AGPAT3: variants seen among roughly 807,000 people sequenced by gnomAD.
AGPAT3 encodes the protein 1-acyl-sn-glycerol-3-phosphate acyltransferase gamma.
Under a neutral mutation model 47.3 loss-of-function variants are expected in AGPAT3, and 5 were observed. The ratio of observed to expected loss-of-function variants is 0.11; its 90% CI spans 0.06 to 0.22. The LOEUF (loss-of-function observed/expected upper bound fraction) is 0.22, where lower values mean the gene tolerates loss of function less well. Ranked by LOEUF, AGPAT3 falls within the 10% of genes least tolerant of loss-of-function variation. The probability of loss-of-function intolerance (pLI) is 1.00; values close to 1 mark genes in which losing one functional copy is unlikely to be tolerated. For synonymous variants in AGPAT3, 212 were observed against 208.3 expected, an observed-to-expected ratio of 1.02 and a Z score of -0.15; for missense variants, 315 against 493.0, an observed-to-expected ratio of 0.64 and a Z score of 3.42.
At chr21:43,965,350 T>C (rs1685154606) in intron 3 of AGPAT3, 2 of 152,314 alleles carry the variant, frequency 1.3e-5, no homozygotes, top group South Asian at 4.1e-4. Context: ...GTGTCTCTGC[T>C]GTCATCTGAT....
chr21:43,913,641 G>A (rs2086671641), intron 2 of AGPAT3, among the ~76,000 whole-genome samples: 1 of 152,170 alleles, frequency 6.6e-6, no homozygotes, highest in East Asian at 1.9e-4. Flanking sequence ...CGGCTATTGT[G>A]GTCCTTAACT....
At chr21:43,899,170 C>CTT (rs35374556) in intron 1 of AGPAT3, among the ~76,000 whole-genome samples, 126,804 of 152,056 alleles carry the variant, frequency 0.83, 53,372 homozygotes, top group African/African-American at 0.96. Flanking sequence ...GAACCCGCCC[C>CTT]TTGTGTTTGT....
rs1024552069 is a variant in AGPAT3, at chr21:43,903,971, A to C, written c.-97A>C. On this transcript the variant is annotated 5_prime_UTR_variant, in exon 2 of 10. Transcript: ENST00000291572. ...TTCACTTTCAGGCTTGTCCAGCCGG[A>C]AGCCCTGAGGGCAGCTGTTCCCACT... 2 of 152,384 alleles carry C rather than the reference A, an allele frequency of 1.3e-5. No homozygotes were observed. The highest frequency in any genetic ancestry group is 2.9e-5 in the Non-Finnish European group (2 of 68,052). The allele number at this position is 152,384 out of a possible 1,614,324, so 9.4% of individuals were successfully genotyped here. A position where few individuals can be genotyped will look rare whatever the true frequency, so the allele number is the denominator to read the frequency against.
In AGPAT3 at chr21:43,954,267, G is replaced by A. The variant is rs1358414818; in HGVS notation, c.-48-5367G>A. On this transcript the variant is annotated intron_variant, in intron 2 of 9. Transcript: ENST00000291572. This position sits in a 1 kb window ranked among gnomAD's most constrained non-coding sequence, Gnocchi z 4.0. ...GAGGTGGCCTCTGCCTGCTGCCATTGGAGGTTTGTGCAGTCAGGTTTATCA... is the reference window on the plus strand; with the variant it reads ...GAGGTGGCCTCTGCCTGCTGCCATTAGAGGTTTGTGCAGTCAGGTTTATCA... 1.3e-5 allele frequency among the ~76,000 whole-genome samples: 2 copies of A among 152,194 alleles called. No homozygotes were observed.
chr21:43,878,284 G>T (rs979453062), intron 1 of AGPAT3, among the ~76,000 whole-genome samples: 2 of 152,232 alleles, frequency 1.3e-5, no homozygotes, highest in African/African-American at 4.8e-5. Flanking sequence ...CTTTGCCGAG[G>T]TGGCCTGCTC....
intron 3 of AGPAT3, among the ~76,000 whole-genome samples, chr21:43,962,878 A>T (rs1156302210): frequency 7.9e-6 from 1 of 126,242 alleles, no homozygotes; most frequent in Non-Finnish European, 1.8e-5. Flanking sequence ...TAAACAGCAG[A>T]TGTGGACTGA....
Position 43,955,302 on chromosome 21 carries a change from C to G in AGPAT3, c.-48-4332C>G, listed in dbSNP as rs928810358. The G allele has an allele frequency of 1.9e-4, 215 of 1,112,178 alleles. No homozygotes were observed. The highest frequency in any genetic ancestry group is 2.4e-4 in the Non-Finnish European group (208 of 882,634). The allele number at this position is 1,112,178 out of a possible 1,614,324, so 68.9% of individuals were successfully genotyped here. A position where few individuals can be genotyped will look rare whatever the true frequency, so the allele number is the denominator to read the frequency against. On this transcript the variant is annotated intron_variant, in intron 2 of 9. Coordinates refer to ENST00000291572, the MANE Select transcript of AGPAT3 (RefSeq NM_020132.5). This position sits in a 1 kb window ranked among gnomAD's most constrained non-coding sequence, Gnocchi z 4.1. ...CATTGTCAGGCTGGGTGGGGAAGGA[C>G]TTGGATGGAAATGTTCCCTGTTGCA... is the stretch of plus-strand genomic sequence containing the variant.
chr21:43,958,615 G>A (rs2088611957), intron 2 of AGPAT3, among the ~76,000 whole-genome samples: 1 of 149,878 alleles, frequency 6.7e-6, no homozygotes, highest in Non-Finnish European at 1.5e-5. Context: ...GGTTTGTAGT[G>A]TGTGTATGTG....
intron 2 of AGPAT3, among the ~76,000 whole-genome samples, chr21:43,928,840 A>T (rs3788081): frequency 1.3e-5 from 2 of 152,154 alleles, no homozygotes. Flanking sequence ...TTTGTTTCAC[A>T]ATGAGCTGAA....
rs1026709201 is a variant in AGPAT3, at chr21:43,954,870, C to G, written c.-48-4764C>G. On this transcript the variant is annotated intron_variant, in intron 2 of 9. Coordinates refer to ENST00000291572, the MANE Select transcript of AGPAT3 (RefSeq NM_020132.5). The surrounding 1 kb of genome is among the most constrained non-coding windows in gnomAD (Gnocchi z 4.0). ...GCACCCGGGCCAGGAGAAACATGTGCCAGAGGGCAGGCGTGGGCTCTCCGG... is the reference window on the plus strand; with the variant it reads ...GCACCCGGGCCAGGAGAAACATGTGGCAGAGGGCAGGCGTGGGCTCTCCGG... 3 of 293,484 alleles carry G rather than the reference C, an allele frequency of 1.0e-5. No individual in the cohort carries two copies. The Admixed American group carries it at 1.9e-4, about 18-fold the overall frequency. 18.2% of individuals were successfully genotyped at this position (293,484 alleles called of 1,614,324 possible). A position where few individuals can be genotyped will look rare whatever the true frequency, so the allele number is the denominator to read the frequency against.
chr21:43,986,391 C>T lies in AGPAT3; in HGVS notation c.*3999C>T, dbSNP rs1380378555. The T allele has an allele frequency of 6.6e-6, 1 of 152,576 alleles. No homozygotes were observed. Among genetic ancestry groups the T allele is most frequent in the Non-Finnish European group, 1.5e-5 (1 of 68,044 alleles). 9.5% of individuals were successfully genotyped at this position (152,576 alleles called of 1,614,324 possible). A position where few individuals can be genotyped will look rare whatever the true frequency, so the allele number is the denominator to read the frequency against. ...CATTGAGTTGTCTTAGAATTTGAAG[C>T]TGTGTAATGACAATGTCACCTGGAG... On this transcript the variant is annotated 3_prime_UTR_variant, in exon 10 of 10. Transcript: ENST00000291572.
chr21:43,977,747 C>T (rs1601480690), intron 7 of AGPAT3, among the ~76,000 whole-genome samples: 2 of 152,024 alleles, frequency 1.3e-5, no homozygotes, highest in Non-Finnish European at 2.9e-5. Context: ...ATTAGCTGGG[C>T]GTGGTGGCGC....
chr21:43,926,431 G>A lies in AGPAT3; in HGVS notation c.-49+22412G>A, dbSNP rs182147962. Among the ~76,000 whole-genome samples, 639 of 152,274 alleles carry A rather than the reference G, an allele frequency of 4.2e-3. 1 individual carries two copies. The highest frequency in any genetic ancestry group is 0.014 in the African/African-American group (592 of 41,546). Reference sequence around the variant, plus strand: ...ATGCGCATCTGTGTGGCAGGACTGGGGGTGATTTTATCCGGGATCCCCTGG... The same window carrying A: ...ATGCGCATCTGTGTGGCAGGACTGGAGGTGATTTTATCCGGGATCCCCTGG... On this transcript the variant is annotated intron_variant, in intron 2 of 9. Transcript: ENST00000291572.
chr21:43,924,604 C>T (rs140158735), intron 2 of AGPAT3, among the ~76,000 whole-genome samples: 91 of 152,330 alleles, frequency 6.0e-4, no homozygotes, highest in African/African-American at 1.8e-3. Flanking sequence ...CCTGCCATGC[C>T]GCAGAGACCC....
intron 2 of AGPAT3, among the ~76,000 whole-genome samples, chr21:43,918,205 T>TTGTGGGTGTTGCGGCGGTTGTGGGTG: frequency 6.7e-6 from 1 of 148,564 alleles, no homozygotes; most frequent in Non-Finnish European, 1.5e-5. Context: ...GTTGTGGAGG[T>TTGTGGGTGTTGCGGCGGTTGTGGGTG]TGTGGGTGTT....
chr21:43,882,989 G>A (rs1203206737), intron 1 of AGPAT3, among the ~76,000 whole-genome samples: 1 of 152,216 alleles, frequency 6.6e-6, no homozygotes, highest in Admixed American at 6.5e-5. Flanking sequence ...ACACCTCCAC[G>A]CAGGCCTGGA....
intron 3 of AGPAT3, among the ~76,000 whole-genome samples, chr21:43,961,796 T>A (rs2088878635): frequency 1.3e-5 from 2 of 152,282 alleles, no homozygotes; most frequent in South Asian, 4.2e-4. Context: ...AGACACTTTG[T>A]CTCATATGGG....
At chr21:43,935,835 T>A (rs2087427228) in intron 2 of AGPAT3, among the ~76,000 whole-genome samples, 1 of 152,106 alleles carries the variant, frequency 6.6e-6, no homozygotes, top group Non-Finnish European at 1.5e-5. Context: ...CCTCAGCTAC[T>A]CTGGAGATTA....
At chr21:43,911,704 A>G (rs952292926) in intron 2 of AGPAT3, among the ~76,000 whole-genome samples, 4 of 152,346 alleles carry the variant, frequency 2.6e-5, no homozygotes, top group African/African-American at 7.2e-5. Flanking sequence ...GGTTCCTCCC[A>G]TTGGAACACA....
Sources: gnomAD v4.1 joint callset for allele counts (sites outside exome capture counted in the v4.1 genomes callset) on GRCh38, gnomAD v4.1.1 for gene constraint, Gnocchi (gnomAD v3.1) non-coding constraint, MANE v1.5 for transcripts, NCBI Gene and HGNC (gene_info 2026-07-23, HGNC 2026-07-21) for gene names.